The following CACNA2D1 variants were observed in gnomAD, a reference collection of about 807,000 sequenced individuals.
CACNA2D1 encodes calcium voltage-gated channel auxiliary subunit alpha2delta 1.
A neutral mutation model predicts 171.5 loss-of-function variants in CACNA2D1; 53 were observed. The ratio of observed to expected loss-of-function variants is 0.31; its 90% CI spans 0.25 to 0.39. The LOEUF is 0.39. Ranked by LOEUF, CACNA2D1 falls within the 10% of genes least tolerant of loss-of-function variation. The pLI is 1.00. For missense variants in CACNA2D1, 903 were observed against 1,299.8 expected, an observed-to-expected ratio of 0.69 and a Z score of 4.69; for synonymous variants, 442 against 443.1, an observed-to-expected ratio of 1.00 and a Z score of 0.03.
chr7:82,017,593 A>G (rs956629717), intron 12 of CACNA2D1, among the ~76,000 whole-genome samples: 1 of 149,756 alleles, frequency 6.7e-6, no homozygotes, highest in Non-Finnish European at 1.5e-5. Flanking sequence ...GATGATTGAT[A>G]CCCTGCTTCT....
At chr7:82,063,550 G>T (rs1164663452) in intron 9 of CACNA2D1, among the ~76,000 whole-genome samples, 4 of 150,990 alleles carry the variant, frequency 2.6e-5, no homozygotes, top group Non-Finnish European at 5.9e-5. Flanking sequence ...CTTCCAATGA[G>T]ACAAAGATTT....
At chr7:82,321,967 A>G (rs1403023616) in intron 3 of CACNA2D1, among the ~76,000 whole-genome samples, 2 of 150,856 alleles carry the variant, frequency 1.3e-5, no homozygotes, top group Admixed American at 6.6e-5. Flanking sequence ...TCTACTAAAA[A>G]TACAAAAAAT....
intron 1 of CACNA2D1, among the ~76,000 whole-genome samples, chr7:82,387,044 AGTT>A (rs140191116): frequency 0.013 from 1,965 of 152,146 alleles, 49 homozygotes; most frequent in African/African-American, 0.044. Context: ...ATGGTTAAAG[AGTT>A]GTTGACTGTT....
At chr7:82,297,686 T>A (rs1053221150) in intron 3 of CACNA2D1, among the ~76,000 whole-genome samples, 1 of 152,224 alleles carries the variant, frequency 6.6e-6, no homozygotes, top group African/African-American at 2.4e-5. Flanking sequence ...TTGTAGTCTT[T>A]ACCAATATCT....
At chr7:82,380,101 A>G (rs1363348936) in intron 1 of CACNA2D1, among the ~76,000 whole-genome samples, 1 of 152,082 alleles carries the variant, frequency 6.6e-6, no homozygotes, top group African/African-American at 2.4e-5. Context: ...TTTACATTCT[A>G]TTTTCAAACT....
chr7:82,435,990 T>A (rs899235279), intron 1 of CACNA2D1, among the ~76,000 whole-genome samples: 1 of 152,224 alleles, frequency 6.6e-6, no homozygotes, highest in African/African-American at 2.4e-5. Context: ...CCCTTCAGTA[T>A]GCAATGTACT....
chr7:82,337,079 T>C (rs1818087691), intron 2 of CACNA2D1, among the ~76,000 whole-genome samples: 3 of 152,186 alleles, frequency 2.0e-5, no homozygotes, highest in South Asian at 4.1e-4. Context: ...ATTTCAAGCA[T>C]ATAAGTATCT....
intron 1 of CACNA2D1, among the ~76,000 whole-genome samples, chr7:82,424,761 T>C (rs539703708): frequency 6.6e-6 from 1 of 152,258 alleles, no homozygotes; most frequent in East Asian, 1.9e-4. Flanking sequence ...GCTACTGGAG[T>C]TTACTTTCCT....
chr7:81,967,242 T>C (rs1383924964), intron 30 of CACNA2D1, 35 bp from the exon 31 acceptor site: 6 of 1,559,264 alleles, frequency 3.8e-6, no homozygotes, highest in Non-Finnish European at 5.3e-6. Flanking sequence ...ACCTCACTTT[T>C]AAAAGTTGGA....
chr7:82,305,600 G>A (rs911584390), intron 3 of CACNA2D1, among the ~76,000 whole-genome samples: 2 of 152,056 alleles, frequency 1.3e-5, no homozygotes, highest in Non-Finnish European at 2.9e-5. Flanking sequence ...AACCTGTCTT[G>A]CCATGCTCCA....
At chr7:81,981,567 TAAGAA>T (rs1473869726) in intron 24 of CACNA2D1, among the ~76,000 whole-genome samples, 1 of 152,194 alleles carries the variant, frequency 6.6e-6, no homozygotes, top group East Asian at 1.9e-4. Flanking sequence ...TGGAATAATT[TAAGAA>T]AAGTGAAAAA....
At chr7:81,999,152 C>T (rs1798341197) in intron 18 of CACNA2D1, among the ~76,000 whole-genome samples, 3 of 152,014 alleles carry the variant, frequency 2.0e-5, no homozygotes, top group Non-Finnish European at 2.9e-5. Flanking sequence ...GAAGAATTGG[C>T]AATATGAAGA....
chr7:82,321,676 A>C (rs1815908990), intron 3 of CACNA2D1, among the ~76,000 whole-genome samples: 1 of 152,166 alleles, frequency 6.6e-6, no homozygotes, highest in South Asian at 2.1e-4. Context: ...AATTGATGAT[A>C]GCTCCTACCA....
chr7:82,175,029 C>A (rs1796417531), intron 3 of CACNA2D1, among the ~76,000 whole-genome samples: 1 of 151,952 alleles, frequency 6.6e-6, no homozygotes, highest in South Asian at 2.1e-4. Context: ...TATAATTCTA[C>A]TATCCTAATC....
intron 12 of CACNA2D1, among the ~76,000 whole-genome samples, chr7:82,018,754 G>A (rs1168682744): frequency 1.3e-5 from 2 of 151,820 alleles, no homozygotes; most frequent in East Asian, 3.9e-4. Context: ...AGGCTGAGGT[G>A]GGTGGATCAC....
intron 12 of CACNA2D1, among the ~76,000 whole-genome samples, chr7:82,018,355 G>A (rs1800763661): frequency 6.6e-6 from 1 of 152,058 alleles, no homozygotes; most frequent in Non-Finnish European, 1.5e-5. Context: ...CTTACCAGAG[G>A]GTAAGAAGAC....
chr7:82,285,219 G>A (rs1810607653), intron 3 of CACNA2D1, among the ~76,000 whole-genome samples: 1 of 152,054 alleles, frequency 6.6e-6, no homozygotes, highest in Non-Finnish European at 1.5e-5. Context: ...GCTTCATGCT[G>A]TGAGAGACTT....
At chr7:82,202,171 G>A (rs939058299) in intron 3 of CACNA2D1, among the ~76,000 whole-genome samples, 5 of 152,184 alleles carry the variant, frequency 3.3e-5, no homozygotes, top group Admixed American at 2.0e-4. Context: ...TATGTACAAG[G>A]TATAACTACC....
intron 6 of CACNA2D1, among the ~76,000 whole-genome samples, chr7:82,108,555 A>G (rs1340704679): frequency 2.0e-5 from 3 of 152,144 alleles, no homozygotes; most frequent in Non-Finnish European, 2.9e-5. Context: ...GCAATTTACA[A>G]TATCTATAAA....
Sources: gnomAD v4.1 joint callset for allele counts (sites outside exome capture counted in the v4.1 genomes callset) on GRCh38, gnomAD v4.1.1 for gene constraint, MANE v1.5 for transcripts, NCBI Gene and HGNC (gene_info 2026-07-23, HGNC 2026-07-21) for gene names.